BLTP1: variants seen among roughly 807,000 people sequenced by gnomAD.
BLTP1 encodes bridge-like lipid transfer protein family member 1.
chr4:122,246,500 C>T, the BLTP1 span: 1 of 580,610 alleles, frequency 1.7e-6, no homozygotes, highest in Non-Finnish European at 2.2e-6. Flanking sequence ...TAGAATGTTC[C>T]ACATCCATCC....
the BLTP1 span, chr4:122,200,667 C>A: frequency 1.0e-6 from 1 of 984,456 alleles, no homozygotes; most frequent in South Asian, 4.7e-5. Context: ...TATCTTCCTT[C>A]ACACTGAGCC....
At chr4:122,334,411 G>C in the BLTP1 span, 7 of 1,612,800 alleles carry the variant, frequency 4.3e-6, no homozygotes, top group African/African-American at 9.4e-5. Flanking sequence ...TCCTTGCCAA[G>C]AACACTGTCC....
chr4:122,305,372 A>C, the BLTP1 span: 1 of 944,130 alleles, frequency 1.1e-6, no homozygotes, highest in South Asian at 4.9e-5. Flanking sequence ...ATAAAGTTAA[A>C]AAACAGCAGT....
the BLTP1 span, among the ~76,000 whole-genome samples, chr4:122,186,602 A>G: frequency 1.3e-5 from 2 of 152,002 alleles, no homozygotes; most frequent in Non-Finnish European, 2.9e-5. Flanking sequence ...TGCCTCATAT[A>G]GTGTGTATTG....
chr4:122,323,882 C>G, the BLTP1 span, among the ~76,000 whole-genome samples: 3 of 151,998 alleles, frequency 2.0e-5, no homozygotes, highest in African/African-American at 7.2e-5. Flanking sequence ...TTCCCATTAT[C>G]CATCTTAGAC....
At chr4:122,237,855 T>C in the BLTP1 span, among the ~76,000 whole-genome samples, 1 of 151,704 alleles carries the variant, frequency 6.6e-6, no homozygotes, top group Non-Finnish European at 1.5e-5. Flanking sequence ...TGGTGGTGCG[T>C]GCCTGTAGTC....
the BLTP1 span, among the ~76,000 whole-genome samples, chr4:122,165,108 A>G: frequency 6.6e-6 from 1 of 152,008 alleles, no homozygotes; most frequent in South Asian, 2.1e-4. Context: ...TTTAGGGTAC[A>G]TGTGCATAAC....
At chr4:122,283,107 A>C in the BLTP1 span, among the ~76,000 whole-genome samples, 3 of 152,276 alleles carry the variant, frequency 2.0e-5, no homozygotes, top group East Asian at 5.8e-4. Context: ...TATGTCCTGA[A>C]GAAATGCTTC....
the BLTP1 span, among the ~76,000 whole-genome samples, chr4:122,165,076 A>AC: frequency 6.7e-6 from 1 of 149,394 alleles, no homozygotes; most frequent in Non-Finnish European, 1.5e-5. Flanking sequence ...ATGTTGTCAC[A>AC]TTTTTTTTTT....
At chr4:122,271,137 C>T in the BLTP1 span, 4 of 1,613,874 alleles carry the variant, frequency 2.5e-6, no homozygotes, top group African/African-American at 1.3e-5. Flanking sequence ...TCTACCAGTG[C>T]CCTTTCTTTT....
the BLTP1 span, among the ~76,000 whole-genome samples, chr4:122,278,797 A>G: frequency 5.3e-5 from 8 of 151,974 alleles, no homozygotes; most frequent in Non-Finnish European, 1.0e-4. Flanking sequence ...ATACCCAGCT[A>G]ATTTTTATAT....
the BLTP1 span, chr4:122,189,819 A>G: frequency 4.4e-6 from 4 of 915,164 alleles, no homozygotes; most frequent in Admixed American, 2.5e-4. Context: ...ACATGGAACA[A>G]TTTCTTAGGA....
chr4:122,223,290 A>G, the BLTP1 span, among the ~76,000 whole-genome samples: 1 of 152,226 alleles, frequency 6.6e-6, no homozygotes, highest in South Asian at 2.1e-4. Context: ...TATTGAAAGC[A>G]AAGAACACTA....
At chr4:122,258,857 CT>C in the BLTP1 span, 2 of 1,557,820 alleles carry the variant, frequency 1.3e-6, no homozygotes, top group Non-Finnish European at 1.8e-6. Flanking sequence ...TATTATTGCT[CT>C]TTTTGGTTAG....
At chr4:122,265,422 T>C in the BLTP1 span, among the ~76,000 whole-genome samples, 15 of 152,222 alleles carry the variant, frequency 9.9e-5, no homozygotes, top group African/African-American at 3.1e-4. Flanking sequence ...ATTTTCAATG[T>C]GGTTGGTTGA....
the BLTP1 span, among the ~76,000 whole-genome samples, chr4:122,361,431 C>T: frequency 1.3e-5 from 2 of 152,134 alleles, no homozygotes; most frequent in Non-Finnish European, 2.9e-5. Flanking sequence ...TGTTTAGGGG[C>T]TTGCTCCTGA....
the BLTP1 span, chr4:122,281,378 C>T: frequency 1.0e-6 from 1 of 981,116 alleles, no homozygotes; most frequent in African/African-American, 1.7e-5. Flanking sequence ...CATTGTTCAA[C>T]AGGTGTTTTA....
chr4:122,230,711 G>A, the BLTP1 span, among the ~76,000 whole-genome samples: 1 of 152,112 alleles, frequency 6.6e-6, no homozygotes, highest in African/African-American at 2.4e-5. Context: ...AAAGTTGCCA[G>A]CACCTCTTAC....
At chr4:122,170,210 G>T in the BLTP1 span, 1 of 365,176 alleles carries the variant, frequency 2.7e-6, no homozygotes, top group Non-Finnish European at 3.8e-6. Flanking sequence ...GTAGGCTGAG[G>T]CAGGAGAATC....
Sources: gnomAD v4.1 joint callset for allele counts (sites outside exome capture counted in the v4.1 genomes callset) on GRCh38, gnomAD v4.1.1 for gene constraint, MANE v1.5 for transcripts, NCBI Gene and HGNC (gene_info 2026-07-23, HGNC 2026-07-21) for gene names.